The following C2CD2 variants were observed in gnomAD, a reference collection of about 807,000 sequenced individuals.
C2CD2 encodes C2 calcium dependent domain containing 2.
A neutral mutation model predicts 74.3 loss-of-function variants in C2CD2; 43 were observed. The observed-to-expected ratio is 0.58, with a 90% CI of 0.45 to 0.75. The LOEUF (loss-of-function observed/expected upper bound fraction) is 0.75, where lower values mean the gene tolerates loss of function less well. Among genes scored for constraint, C2CD2 ranks in the 30% least tolerant of loss-of-function variants. The pLI, the probability that C2CD2 is intolerant of heterozygous loss-of-function variation, is 0.00. For synonymous variants in C2CD2, 422 were observed against 390.7 expected (o/e 1.08, Z -0.94); for missense variants, 801 against 916.3 (o/e 0.87, Z 1.63).
chr21:41,890,443 T>C (rs760718303), intron 13 of C2CD2, among the ~76,000 whole-genome samples: 1 of 152,242 alleles, frequency 6.6e-6, no homozygotes, highest in African/African-American at 2.4e-5. Context: ...CAAGCTAATG[T>C]AGTGGGTGCA....
chr21:41,890,950 T>C (rs1305205933), intron 13 of C2CD2, among the ~76,000 whole-genome samples: 2 of 152,212 alleles, frequency 1.3e-5, no homozygotes, highest in African/African-American at 4.8e-5. Flanking sequence ...ACTGAGAAGA[T>C]GAAAGGCCGC....
At chr21:41,944,980 C>G (rs547915081) in intron 1 of C2CD2, among the ~76,000 whole-genome samples, 1 of 152,158 alleles carries the variant, frequency 6.6e-6, no homozygotes, top group African/African-American at 2.4e-5. Flanking sequence ...GGGAAAAACA[C>G]GGATATAACC....
At chr21:41,901,086 C>T (rs1376258552) in intron 12 of C2CD2, 1 of 161,830 alleles carries the variant, frequency 6.2e-6, no homozygotes, top group Non-Finnish European at 1.4e-5. Flanking sequence ...CTGGCCTCTC[C>T]ACAGCTGAAA....
chr21:41,947,404 G>A (rs1466194986), intron 1 of C2CD2, among the ~76,000 whole-genome samples: 6 of 151,968 alleles, frequency 3.9e-5, no homozygotes, highest in African/African-American at 7.3e-5. Context: ...TGATCCGCCC[G>A]CCTCAGTCTC....
chr21:41,927,893 C>T (rs1025009388), intron 2 of C2CD2, among the ~76,000 whole-genome samples: 1 of 152,168 alleles, frequency 6.6e-6, no homozygotes, highest in East Asian at 1.9e-4. Context: ...CCACGTGGGG[C>T]TCCTGCGTCA....
At position 41,899,679 on chromosome 21, in the gene C2CD2, G is replaced by T. The variant is rs2064869722; in HGVS notation, c.1561-317C>A. On this transcript the variant is annotated intron_variant, in intron 12 of 13. Coordinates refer to ENST00000380486, the MANE Select transcript of C2CD2 (RefSeq NM_015500.2). The surrounding 1 kb of genome is among the most constrained non-coding windows in gnomAD (Gnocchi z 4.4). Reference sequence around the variant, plus strand: ...TTGTGGCAAGCTGCAGAAATGAGATGCGAGAGAGAGAGCCCGTCCTTCAGA... The same window carrying T: ...TTGTGGCAAGCTGCAGAAATGAGATTCGAGAGAGAGAGCCCGTCCTTCAGA... Among the ~76,000 whole-genome samples, 1 of 152,104 alleles carries T rather than the reference G, an allele frequency of 6.6e-6. No homozygotes were observed. Among genetic ancestry groups the T allele is most frequent in the African/African-American group, 2.4e-5 (1 of 41,428 alleles).
At chr21:41,897,586 C>G (rs1426368719) in intron 13 of C2CD2, among the ~76,000 whole-genome samples, 1 of 152,180 alleles carries the variant, frequency 6.6e-6, no homozygotes, top group African/African-American at 2.4e-5. Flanking sequence ...CAAGGCCAGG[C>G]AGTGGGCAAA....
At chr21:41,901,559 A>G (rs781541724) in intron 12 of C2CD2, 63 bp downstream of exon 12, 18 of 1,572,730 alleles carry the variant, frequency 1.1e-5, no homozygotes, top group Non-Finnish European at 1.2e-5. Flanking sequence ...TTCAAAGGGC[A>G]GAGGAGCAGC....
chr21:41,932,899 C>T (rs1378152714), intron 2 of C2CD2, among the ~76,000 whole-genome samples: 2 of 150,250 alleles, frequency 1.3e-5, no homozygotes, highest in Non-Finnish European at 3.0e-5. Context: ...AAAAAGGCAT[C>T]CAGTGGGCAC....
rs191974756 is a variant in C2CD2, at chr21:41,889,473, T to C, written c.1871-129A>G. On this transcript the variant is annotated intron_variant, in intron 13 of 13. Coordinates refer to ENST00000380486, the MANE Select transcript of C2CD2 (RefSeq NM_015500.2). ...GAAGGGCCAGTTTACTACTTCAATATGCTGTCACTACCTGCATGAGAAAAA... is the reference window on the plus strand; with the variant it reads ...GAAGGGCCAGTTTACTACTTCAATACGCTGTCACTACCTGCATGAGAAAAA... 6.2e-4 allele frequency: 410 copies of C among 661,818 alleles called. 2 individuals are homozygous for C. In the African/African-American group the frequency reaches 6.7e-3, roughly 11 times the overall value. The allele number at this position is 661,818 out of a possible 1,614,324, so 41.0% of individuals were successfully genotyped here. A position where few individuals can be genotyped will look rare whatever the true frequency, so the allele number is the denominator to read the frequency against.
chr21:41,901,648 T>TC lies in C2CD2; in HGVS notation c.1533_1534insG (p.Thr512AspfsTer93), dbSNP rs765490301. 1 of 1,614,094 alleles carries TC rather than the reference T, an allele frequency of 6.2e-7. No homozygotes were observed. The highest frequency in any genetic ancestry group is 8.5e-7 in the Non-Finnish European group (1 of 1,180,022). On this transcript the variant is annotated frameshift_variant, in exon 12 of 14. Coordinates refer to ENST00000380486, the MANE Select transcript of C2CD2 (RefSeq NM_015500.2). LOFTEE classifies it high-confidence loss of function. The stretch of plus-strand genomic sequence containing the variant: ...TTGGAGATCCCTGATATGATAATAG[T>TC]GCTTTTCTTCCGTGGCGACTTGAGT...
rs1295962826 is a variant in C2CD2 at position 41,899,370 on chromosome 21, G to T, written c.1561-8C>A. On this transcript the variant is annotated splice_region_variant and splice_polypyrimidine_tract_variant and intron_variant, in intron 12 of 13. Transcript: ENST00000380486. The surrounding 1 kb of genome is among the most constrained non-coding windows in gnomAD (Gnocchi z 4.4). The stretch of plus-strand genomic sequence containing the variant: ...GTCCTGAGATAGTGAGGTCTGTCAG[G>T]GGCAGTGGGGAAGATGACAAGGGAT... 1.2e-6 allele frequency: 2 copies of T among 1,601,842 alleles called. No homozygotes were observed. Among genetic ancestry groups the T allele is most frequent in the South Asian group, 1.1e-5 (1 of 90,872 alleles).
intron 5 of C2CD2, 47 bp downstream of exon 5, chr21:41,918,058 G>A (rs779233912): frequency 1.2e-6 from 2 of 1,608,686 alleles, no homozygotes; most frequent in Non-Finnish European, 1.7e-6. Flanking sequence ...GTGGGCCATG[G>A]TGCCTAACGG....
rs2064768878 is a variant in C2CD2, at chr21:41,892,663, T to A, written c.1871-3319A>T. Among the ~76,000 whole-genome samples, 2 of 147,894 alleles carry A rather than the reference T, an allele frequency of 1.4e-5. 1 individual carries two copies. The highest frequency in any genetic ancestry group is 4.3e-4 in the South Asian group (2 of 4,700). Reference sequence around the variant, plus strand: ...GGTCTGGGGACACTGGGCATGAGCATTTTTCAAAAGTTCCCAGGTCTTTTG... The same window carrying A: ...GGTCTGGGGACACTGGGCATGAGCAATTTTCAAAAGTTCCCAGGTCTTTTG... On this transcript the variant is annotated intron_variant, in intron 13 of 13. Coordinates refer to ENST00000380486, the MANE Select transcript of C2CD2 (RefSeq NM_015500.2). This position sits in a 1 kb window ranked among gnomAD's most constrained non-coding sequence, Gnocchi z 4.6.
chr21:41,907,675 G>C lies in C2CD2; in HGVS notation c.1128C>G (p.Gly376=). ...SGSACGSSVL[G]SVTAEFSYME... ...CTCGCCCTACCTCTGCCGTGACCGA[G>C]CCCAGCACCGAGCTGCCGCAGGCAG... Residue 376 remains glycine, a synonymous_variant, in exon 9 of 14, where the codon GGC becomes GGG. Coordinates refer to ENST00000380486, the MANE Select transcript of C2CD2 (RefSeq NM_015500.2). 1.2e-6 allele frequency: 2 copies of C among 1,611,880 alleles called. No individual in the cohort carries two copies. Among genetic ancestry groups the C allele is most frequent in the Non-Finnish European group, 1.7e-6 (2 of 1,179,700 alleles).
intron 2 of C2CD2, among the ~76,000 whole-genome samples, chr21:41,925,981 T>C (rs1436479539): frequency 6.6e-6 from 1 of 152,226 alleles, no homozygotes; most frequent in Non-Finnish European, 1.5e-5. Flanking sequence ...TTCTATTCAA[T>C]TGACAGACTG....
Position 41,890,231 on chromosome 21 carries a change from GT to G in C2CD2, c.1871-888del, listed in dbSNP as rs570741623. ...ATCATATTAGGCTATGCCATCTGAA[GT>G]TTGTTACTTGGGCATATTTGGCCTA... On this transcript the variant is annotated intron_variant, in intron 13 of 13. Coordinates refer to ENST00000380486, the MANE Select transcript of C2CD2 (RefSeq NM_015500.2). Among the ~76,000 whole-genome samples, 365 of 152,266 alleles carry G rather than the reference GT, an allele frequency of 2.4e-3. 3 individuals are homozygous for G. The highest frequency in any genetic ancestry group is 8.4e-3 in the African/African-American group (349 of 41,552).
intron 1 of C2CD2, among the ~76,000 whole-genome samples, chr21:41,948,474 A>G (rs540427708): frequency 7.9e-5 from 12 of 152,362 alleles, no homozygotes; most frequent in Admixed American, 7.2e-4. Context: ...TAGAGAAGTT[A>G]AATAAGCAGG....
In C2CD2 at chr21:41,887,392, A is replaced by G. The variant is rs1377950801; in HGVS notation, c.*1732T>C. 1 of 152,166 alleles carries G rather than the reference A, an allele frequency of 6.6e-6. No homozygotes were observed. The highest frequency in any genetic ancestry group is 1.5e-5 in the Non-Finnish European group (1 of 68,022). The allele number at this position is 152,166 out of a possible 1,614,324, so 9.4% of individuals were successfully genotyped here. ...TCCTGGAACACCTAAGAAGTTTGTAATGCGCATTTTAAAGTGAAATTCCTA... is the reference window on the plus strand; with the variant it reads ...TCCTGGAACACCTAAGAAGTTTGTAGTGCGCATTTTAAAGTGAAATTCCTA... On this transcript the variant is annotated 3_prime_UTR_variant, in exon 14 of 14. Coordinates refer to ENST00000380486, the MANE Select transcript of C2CD2 (RefSeq NM_015500.2).
Sources: gnomAD v4.1 joint callset for allele counts (sites outside exome capture counted in the v4.1 genomes callset) on GRCh38, gnomAD v4.1.1 for gene constraint, Gnocchi (gnomAD v3.1) non-coding constraint, MANE v1.5 for transcripts, NCBI Gene and HGNC (gene_info 2026-07-23, HGNC 2026-07-21) for gene names.